The following ANK2 variants were observed in gnomAD, a reference collection of about 807,000 sequenced individuals.
ANK2 encodes ankyrin 2, also known as ankyrin-2.
Under a neutral mutation model 360.5 loss-of-function variants are expected in ANK2, and 83 were observed. The ratio of observed to expected loss-of-function variants is 0.23; its 90% CI spans 0.19 to 0.28. ANK2 has a LOEUF of 0.28. Among genes scored for constraint, ANK2 ranks in the 10% least tolerant of loss-of-function variants. The pLI, the probability that ANK2 is intolerant of heterozygous loss-of-function variation, is 1.00. For missense variants in ANK2, 4,201 were observed against 4,795.7 expected (o/e 0.88, Z 3.66); for synonymous variants, 1,740 against 1,759.5 (o/e 0.99, Z 0.28).
intron 1 of ANK2, among the ~76,000 whole-genome samples, chr4:113,156,217 TTATATGA>T (rs2097283704): frequency 6.6e-6 from 1 of 152,200 alleles, no homozygotes; most frequent in African/African-American, 2.4e-5. Context: ...CCATAGACTA[TTATATGA>T]TATATAAAAT....
In ANK2 at chr4:112,973,731, A is replaced by C. The variant is rs115667068; in HGVS notation, c.21+69217A>C. Among the ~76,000 whole-genome samples, 537 of 152,326 alleles carry C rather than the reference A, an allele frequency of 3.5e-3. 1 individual carries two copies. Among genetic ancestry groups the C allele is most frequent in the African/African-American group, 0.012 (509 of 41,572 alleles). ...TTCTAGCTATTGTTTCTTCAGTCCA[A>C]ATGGTCATACTTTGGGTGATGGGTT... is the stretch of plus-strand genomic sequence containing the variant. On this transcript the variant is annotated intron_variant, in intron 2 of 30. Coordinates refer to the ANK2 transcript ENST00000503271.
chr4:112,765,659 CT>C, the ANK2 span, among the ~76,000 whole-genome samples: 4,904 of 134,188 alleles, frequency 0.037, 275 homozygotes, highest in African/African-American at 0.12. Context: ...CCCTCCCCCG[CT>C]TTTTTTTTTT....
Position 113,196,346 on chromosome 4 carries a change from C to T in ANK2, c.187-22C>T, listed in dbSNP as rs778171781. 6 of 1,596,814 alleles carry T rather than the reference C, an allele frequency of 3.8e-6. No homozygotes were observed. In the African/African-American group the frequency reaches 5.4e-5, roughly 14 times the overall value. On this transcript the variant is annotated intron_variant, in intron 2 of 45. Transcript: ENST00000357077. Reference sequence around the variant, plus strand: ...TTCCTCATTACTTCACTTCTTAAAGCCTTGTTTGTTTCTTCTCTCAGAATG... The same window carrying T: ...TTCCTCATTACTTCACTTCTTAAAGTCTTGTTTGTTTCTTCTCTCAGAATG...
chr4:112,831,227 C>T (rs778488941), intron 1 of ANK2, among the ~76,000 whole-genome samples: 18 of 152,360 alleles, frequency 1.2e-4, no homozygotes, highest in East Asian at 5.8e-4. Context: ...GCTCTGCCCA[C>T]GGCCCTGGTG....
chr4:112,926,992 G>A (rs2092637770), intron 2 of ANK2, among the ~76,000 whole-genome samples: 1 of 152,118 alleles, frequency 6.6e-6, no homozygotes, highest in Non-Finnish European at 1.5e-5. Context: ...CAAACACATG[G>A]CAGCAGGAAG....
chr4:113,013,768 C>G (rs1272130484), intron 2 of ANK2, among the ~76,000 whole-genome samples: 1 of 152,122 alleles, frequency 6.6e-6, no homozygotes, highest in Admixed American at 6.6e-5. Flanking sequence ...ACACTCAAAA[C>G]ATTGAAATGG....
Position 113,240,455 on chromosome 4 carries a change from A to T in ANK2, c.694-30A>T. ...CTGCAACATAGAAAAGTGAAGCGCT[A>T]TACTGACTGTCATATCTTTGCTTTC... is the stretch of plus-strand genomic sequence containing the variant. On this transcript the variant is annotated intron_variant, in intron 7 of 45. Transcript: ENST00000357077. The T allele has an allele frequency of 1.9e-6, 3 of 1,541,830 alleles. No homozygotes were observed. The South Asian group carries it at 3.3e-5, about 17-fold the overall frequency.
intron 34 of ANK2, among the ~76,000 whole-genome samples, chr4:113,345,644 A>T (rs963523687): frequency 1.3e-5 from 2 of 152,332 alleles, no homozygotes; most frequent in East Asian, 3.9e-4. Flanking sequence ...CAATGTATAC[A>T]TATATCAAAT....
intron 2 of ANK2, among the ~76,000 whole-genome samples, chr4:112,961,104 G>A (rs906634503): frequency 1.3e-5 from 2 of 149,460 alleles, no homozygotes; most frequent in African/African-American, 4.9e-5. Flanking sequence ...GAGACAAATA[G>A]GTTACAGACA....
intron 13 of ANK2, among the ~76,000 whole-genome samples, chr4:113,263,075 C>T (rs759065590): frequency 6.6e-6 from 1 of 150,822 alleles, no homozygotes; most frequent in Non-Finnish European, 1.5e-5. Flanking sequence ...ATAATCCCAG[C>T]TACTTGGGAG....
intron 2 of ANK2, among the ~76,000 whole-genome samples, chr4:113,007,269 G>C (rs750913670): frequency 2.0e-5 from 3 of 152,176 alleles, no homozygotes; most frequent in Non-Finnish European, 4.4e-5. Context: ...CTGGGGAAAA[G>C]AGTAAGCTTT....
At chr4:113,344,942 G>A (rs140393269) in intron 34 of ANK2, among the ~76,000 whole-genome samples, 49 of 152,228 alleles carry the variant, frequency 3.2e-4, no homozygotes, top group African/African-American at 1.1e-3. Flanking sequence ...TTGTTTAATA[G>A]ATACAGAATT....
At chr4:113,321,876 G>A (rs1322440090) in intron 26 of ANK2, among the ~76,000 whole-genome samples, 1 of 152,140 alleles carries the variant, frequency 6.6e-6, no homozygotes, top group East Asian at 1.9e-4. Context: ...GGTACTACAG[G>A]TGTGCACCAC....
At chr4:112,804,375 AGTT>A in the ANK2 span, among the ~76,000 whole-genome samples, 1 of 152,174 alleles carries the variant, frequency 6.6e-6, no homozygotes, top group Non-Finnish European at 1.5e-5. Flanking sequence ...CTGATGGTAT[AGTT>A]GTTTGATTTT....
At position 112,979,427 on chromosome 4, in the gene ANK2, G is replaced by A. The variant is rs143522676; in HGVS notation, c.21+74913G>A. Reference sequence around the variant, plus strand: ...CCCCAAAGATGGTGTCACAGCCCTCGCTCGGAGAGCCCCTAGGTCTGGGCT... The same window carrying A: ...CCCCAAAGATGGTGTCACAGCCCTCACTCGGAGAGCCCCTAGGTCTGGGCT... On this transcript the variant is annotated intron_variant, in intron 2 of 30. Coordinates refer to the ANK2 transcript ENST00000503271. Among the ~76,000 whole-genome samples the A allele has an allele frequency of 4.4e-3, 677 of 152,300 alleles. 6 individuals are homozygous for A. The highest frequency in any genetic ancestry group is 0.015 in the African/African-American group (616 of 41,572).
chr4:113,278,663 C>A, intron 17 of ANK2, 105 bp downstream of exon 17: 2 of 1,129,222 alleles, frequency 1.8e-6, no homozygotes, highest in Non-Finnish European at 2.6e-6. Flanking sequence ...TGCGACTAGT[C>A]CTAGCGATAG....
chr4:112,775,467 C>G, the ANK2 span, among the ~76,000 whole-genome samples: 1 of 146,048 alleles, frequency 6.8e-6, no homozygotes, highest in Admixed American at 7.0e-5. Flanking sequence ...TGCAGTGAGC[C>G]GAGATTGGGC....
chr4:112,751,219 T>C, the ANK2 span, among the ~76,000 whole-genome samples: 1,225 of 152,108 alleles, frequency 8.1e-3, 13 homozygotes, highest in African/African-American at 0.028. Flanking sequence ...GTGTAAAAGG[T>C]GACCAGGCTT....
At chr4:112,908,844 A>G (rs998953039) in intron 2 of ANK2, among the ~76,000 whole-genome samples, 1 of 152,240 alleles carries the variant, frequency 6.6e-6, no homozygotes, top group African/African-American at 2.4e-5. Flanking sequence ...TGTCCCTGCC[A>G]TCTTCTATTC....
Sources: allele counts gnomAD v4.1 joint callset (sites outside exome capture counted in the v4.1 genomes callset), GRCh38; gene constraint gnomAD v4.1.1; transcripts MANE v1.5; gene names NCBI Gene and HGNC (gene_info 2026-07-23, HGNC 2026-07-21).